Variants in ESYT3 observed in about 807,000 individuals in gnomAD.
ESYT3 encodes extended synaptotagmin 3, also known as extended synaptotagmin-3.
ESYT3 carries 101 observed loss-of-function variants against 111.5 expected under a neutral mutation model. That is an observed-to-expected ratio of 0.91 (90% CI 0.77 to 1.07). The LOEUF (loss-of-function observed/expected upper bound fraction) is 1.07, where lower values mean the gene tolerates loss of function less well. ESYT3 is among the 50% of genes least tolerant of loss of function. The pLI, the probability that ESYT3 is intolerant of heterozygous loss-of-function variation, is 0.00. For missense variants in ESYT3, 1,097 were observed against 1,109.4 expected, an observed-to-expected ratio of 0.99 and a Z score of 0.16; for synonymous variants, 416 against 446.8, an observed-to-expected ratio of 0.93 and a Z score of 0.87.
At chr3:138,437,204 T>G (rs2108587921) in intron 1 of ESYT3, among the ~76,000 whole-genome samples, 1 of 152,268 alleles carries the variant, frequency 6.6e-6, no homozygotes, top group African/African-American at 2.4e-5. Context: ...TAACAGGTCA[T>G]TGCCATTGAG....
In ESYT3 at chr3:138,472,360, C is replaced by A. The variant is rs985061400; in HGVS notation, c.1741-3C>A. 3 of 1,612,516 alleles carry A rather than the reference C, an allele frequency of 1.9e-6. No individual in the cohort carries two copies. The highest frequency in any genetic ancestry group is 2.5e-6 in the Non-Finnish European group (3 of 1,179,354). Reference sequence around the variant, plus strand: ...CATAAGCCACCCTCTTATCTGCTTGCAGTTCCTGCAAGTGGAGGAACGAGA... The same window carrying A: ...CATAAGCCACCCTCTTATCTGCTTGAAGTTCCTGCAAGTGGAGGAACGAGA... On this transcript the variant is annotated splice_polypyrimidine_tract_variant and splice_region_variant and intron_variant, in intron 17 of 22. Coordinates refer to ENST00000389567, the MANE Select transcript of ESYT3 (RefSeq NM_031913.5).
chr3:138,473,623 C>G lies in ESYT3; in HGVS notation c.2325C>G (p.Ile775Met). 2 of 1,613,466 alleles carry G rather than the reference C, an allele frequency of 1.2e-6. No homozygotes were observed. Among genetic ancestry groups the G allele is most frequent in the Non-Finnish European group, 1.7e-6 (2 of 1,179,620 alleles). ...VCLRRCLSVL[I>M]NGCRNLTPCT... ...TGCGGCGCTGCCTCAGCGTGCTAAT[C>G]AATGGCTGCAGGTAAAGGGATTCTA... The change falls in exon 19 of 23, where the codon ATC becomes ATG. Residue 775 changes from isoleucine to methionine, a missense_variant. Physicochemically the swap from Ile to Met is conservative, Grantham distance 10. Coordinates refer to ENST00000389567, the MANE Select transcript of ESYT3 (RefSeq NM_031913.5).
In ESYT3 at chr3:138,473,629, C is replaced by T. The variant is rs1462623989; in HGVS notation, c.2331C>T (p.Gly777=). 17 of 1,613,248 alleles carry T rather than the reference C, an allele frequency of 1.1e-5. No homozygotes were observed. Among genetic ancestry groups the T allele is most frequent in the Non-Finnish European group, 1.4e-5 (17 of 1,179,456 alleles). The change falls in exon 19 of 23, where the codon GGC becomes GGT. Residue 777 remains glycine, a synonymous_variant. Coordinates refer to ENST00000389567, the MANE Select transcript of ESYT3 (RefSeq NM_031913.5). Reference sequence around the variant, plus strand: ...GCTGCCTCAGCGTGCTAATCAATGGCTGCAGGTAAAGGGATTCTAGGGCCA... The same window carrying T: ...GCTGCCTCAGCGTGCTAATCAATGGTTGCAGGTAAAGGGATTCTAGGGCCA... ...LRRCLSVLIN[G]CRNLTPCTSS...
At chr3:138,452,003 G>C (rs760245500) in intron 1 of ESYT3, 45 bp from the exon 2 acceptor site, 6 of 1,609,672 alleles carry the variant, frequency 3.7e-6, no homozygotes, top group Non-Finnish European at 5.1e-6. Flanking sequence ...TTCCCAGCGG[G>C]TGTGCGGCTT....
chr3:138,435,139 G>A lies in ESYT3; in HGVS notation c.327+14G>A. 6.4e-7 allele frequency: 1 copy of A among 1,557,032 alleles called. No individual in the cohort carries two copies. The highest frequency in any genetic ancestry group is 1.2e-5 in the South Asian group (1 of 83,304). On this transcript the variant is annotated intron_variant, in intron 1 of 22. Coordinates refer to ENST00000389567, the MANE Select transcript of ESYT3 (RefSeq NM_031913.5). This position sits in a 1 kb window ranked among gnomAD's most constrained non-coding sequence, Gnocchi z 4.8. ...CTGCCAGCCTGGGTGAGCCAAGCCG[G>A]GTGGGAGTGGGAGGTGGGGAGATGC...
At chr3:138,476,378 C>A in intron 21 of ESYT3, 50 bp downstream of exon 21, 1 of 1,601,988 alleles carries the variant, frequency 6.2e-7, no homozygotes, top group Non-Finnish European at 8.6e-7. Flanking sequence ...ATCAATTCGC[C>A]TTATCCCAAT....
At chr3:138,480,464 A>G (rs1034139629), downstream of ESYT3, 1 of 152,236 alleles carries the variant, frequency 6.6e-6, no homozygotes, top group African/African-American at 2.4e-5. Context: ...AGATGATATG[A>G]TCATGAGCAT....
At chr3:138,465,699 A>T (rs959357735) in intron 10 of ESYT3, among the ~76,000 whole-genome samples, 8 of 152,172 alleles carry the variant, frequency 5.3e-5, no homozygotes, top group African/African-American at 1.9e-4. Flanking sequence ...TCCTGATAAT[A>T]TACCAAGTCC....
In ESYT3 at chr3:138,462,214, C is replaced by T. The variant is rs1301681883; in HGVS notation, c.915+8C>T. On this transcript the variant is annotated splice_region_variant and intron_variant, in intron 8 of 22. Coordinates refer to ENST00000389567, the MANE Select transcript of ESYT3 (RefSeq NM_031913.5). ...CGCTTCCCTCTGCCCTGTGTGAGTACCCAGTACTAGCCACAGACCAGCCTG... is the reference window on the plus strand; with the variant it reads ...CGCTTCCCTCTGCCCTGTGTGAGTATCCAGTACTAGCCACAGACCAGCCTG... 2.0e-5 allele frequency: 32 copies of T among 1,614,062 alleles called. No homozygotes were observed. The highest frequency in any genetic ancestry group is 2.4e-5 in the Non-Finnish European group (28 of 1,180,036).
intron 1 of ESYT3, among the ~76,000 whole-genome samples, chr3:138,443,935 C>T (rs868852750): frequency 6.6e-6 from 1 of 152,196 alleles, no homozygotes; most frequent in South Asian, 2.1e-4. Flanking sequence ...GTGTGGACCC[C>T]ACCAAAACCT....
rs1047111699 is a variant in ESYT3 at position 138,476,326 on chromosome 3, A to G, written c.2572A>G (p.Lys858Glu). 1.2e-6 allele frequency: 2 copies of G among 1,612,018 alleles called. No homozygotes were observed. Among genetic ancestry groups the G allele is most frequent in the African/African-American group, 1.3e-5 (1 of 75,024 alleles). Residue 858 changes from lysine to glutamate, a missense_variant and splice_region_variant, in exon 21 of 23, where the codon AAA (lysine) becomes GAA (glutamate). By Grantham distance (56) the Lys-to-Glu change is moderately conservative. Transcript: ENST00000389567. ...LGSHRRKELG[K>E]VLIDLSKEDL... ...CTCACACAGAAGAAAGGAGTTAGGA[A>G]AAGTAAGTACAAGAGATATTTGATA...
intron 10 of ESYT3, 92 bp from the exon 11 acceptor site, chr3:138,467,469 A>T (rs1389420592): frequency 7.8e-7 from 1 of 1,274,800 alleles, no homozygotes; most frequent in Admixed American, 1.7e-5. Context: ...CCGCACTCAG[A>T]TATCTGAAAA....
At chr3:138,455,713 A>G (rs1381249287) in intron 3 of ESYT3, among the ~76,000 whole-genome samples, 1 of 152,246 alleles carries the variant, frequency 6.6e-6, no homozygotes, top group Non-Finnish European at 1.5e-5. Context: ...CAGTTTGGAT[A>G]GTCAGTGCCG....
chr3:138,444,550 C>G (rs2031397657), intron 1 of ESYT3, among the ~76,000 whole-genome samples: 2 of 152,208 alleles, frequency 1.3e-5, no homozygotes, highest in Non-Finnish European at 2.9e-5. Context: ...CAGGAATTAA[C>G]AGCCCCACTT....
chr3:138,474,842 G>T (rs1169260461), intron 20 of ESYT3, among the ~76,000 whole-genome samples: 1 of 152,186 alleles, frequency 6.6e-6, no homozygotes, highest in East Asian at 1.9e-4. Context: ...GGGGACAAGG[G>T]TGACTCTAAT....
At position 138,457,600 on chromosome 3, in the gene ESYT3, T is replaced by C. The variant is rs1459041915; in HGVS notation, c.537T>C (p.Thr179=). The C allele has an allele frequency of 5.6e-6, 9 of 1,614,138 alleles. 1 individual carries two copies. The highest frequency in any genetic ancestry group is 2.2e-5 in the South Asian group (2 of 91,076). ...GGGTCAACGGTGTCAAGGCACACACTAATACGTGCAACCGAAGACGTGTGA... is the reference window on the plus strand; with the variant it reads ...GGGTCAACGGTGTCAAGGCACACACCAATACGTGCAACCGAAGACGTGTGA... ...CPRVNGVKAH[T]NTCNRRRVTV... The change falls in exon 4 of 23, where the codon ACT becomes ACC. Residue 179 remains threonine, a synonymous_variant. Coordinates refer to ENST00000389567, the MANE Select transcript of ESYT3 (RefSeq NM_031913.5).
chr3:138,468,830 T>C lies in ESYT3; in HGVS notation c.1383T>C (p.Phe461=). The C allele has an allele frequency of 6.2e-7, 1 of 1,614,190 alleles. No homozygotes were observed. The highest frequency in any genetic ancestry group is 8.5e-7 in the Non-Finnish European group (1 of 1,180,036). ...ESACNLPRNP[F]DYLNGEYRAK... is the part of the protein sequence containing the mutation. Reference sequence around the variant, plus strand: ...TTCCTGTGCTGCAGAGAAACCCTTTTGACTACCTGAATGGTGAATATCGAG... The same window carrying C: ...TTCCTGTGCTGCAGAGAAACCCTTTCGACTACCTGAATGGTGAATATCGAG... The change falls in exon 14 of 23, where the codon TTT becomes TTC. Residue 461 remains phenylalanine (F), a synonymous_variant. Transcript: ENST00000389567.
intron 3 of ESYT3, among the ~76,000 whole-genome samples, chr3:138,456,170 G>A (rs2032266473): frequency 6.6e-6 from 1 of 152,258 alleles, no homozygotes; most frequent in Non-Finnish European, 1.5e-5. Flanking sequence ...ACTGGCTTGT[G>A]CCAGCATCTG....
intron 2 of ESYT3, among the ~76,000 whole-genome samples, chr3:138,454,277 C>G (rs928311015): frequency 6.6e-6 from 1 of 151,328 alleles, no homozygotes; most frequent in Non-Finnish European, 1.5e-5. Context: ...GTGGCTCACA[C>G]CTGTAATCCC....
Sources: allele counts gnomAD v4.1 joint callset (sites outside exome capture counted in the v4.1 genomes callset), GRCh38; gene constraint gnomAD v4.1.1; non-coding constraint Gnocchi (gnomAD v3.1); transcripts MANE v1.5; gene names NCBI Gene and HGNC (gene_info 2026-07-23, HGNC 2026-07-21).